ZNF28: variants seen among roughly 807,000 people sequenced by gnomAD.
ZNF28 encodes zinc finger protein 28.
ZNF28 carries 5 observed loss-of-function variants against 7.2 expected under a neutral mutation model. The ratio of observed to expected loss-of-function variants is 0.70; its 90% CI spans 0.36 to 1.46. ZNF28 has a LOEUF of 1.46. Among genes scored for constraint, ZNF28 ranks in the 40% most tolerant of loss-of-function variants. The pLI is 0.03. For synonymous variants in ZNF28, 288 were observed against 292.4 expected (o/e 0.99, Z 0.15); for missense variants, 879 against 866.6 (o/e 1.01, Z -0.18).
intron 1 of ZNF28, among the ~76,000 whole-genome samples, chr19:52,819,373 C>G (rs1417433047): frequency 1.4e-5 from 2 of 141,552 alleles, no homozygotes; most frequent in East Asian, 4.0e-4. Flanking sequence ...TCTGAGTCTA[C>G]CACTCTCTTT....
chr19:52,817,893 G>C, intron 2 of ZNF28, 51 bp downstream of exon 2: 1 of 1,608,596 alleles, frequency 6.2e-7, no homozygotes, highest in Non-Finnish European at 8.5e-7. Flanking sequence ...CCAAGGCCCA[G>C]CGTTTCTGAA....
intron 3 of ZNF28, among the ~76,000 whole-genome samples, chr19:52,807,101 G>A (rs1389649088): frequency 6.6e-6 from 1 of 152,138 alleles, no homozygotes; most frequent in African/African-American, 2.4e-5. Flanking sequence ...GTTTGCACCT[G>A]TAATACATTC....
At position 52,810,826 on chromosome 19, in the gene ZNF28, T is replaced by C. The variant is rs1481024919; in HGVS notation, c.16-2693A>G. 1.4e-4 allele frequency: 36 copies of C among 255,824 alleles called. 1 individual carries two copies. The highest frequency in any genetic ancestry group is 2.5e-4 in the Non-Finnish European group (35 of 140,838). The allele number at this position is 255,824 out of a possible 1,614,324, so 15.8% of individuals were successfully genotyped here. A position where few individuals can be genotyped will look rare whatever the true frequency, so the allele number is the denominator to read the frequency against. ...TTGATGGAAAAAAATATATATATAT[T>C]TTTAAAAAAAGAGTCCCTCTCCCTC... On this transcript the variant is annotated intron_variant, in intron 2 of 3. Transcript: ENST00000457749.
At chr19:52,810,480 C>T (rs1317062216) in intron 2 of ZNF28, 3 of 1,585,186 alleles carry the variant, frequency 1.9e-6, no homozygotes, top group African/African-American at 2.7e-5. Flanking sequence ...ACTTCCTTGG[C>T]CTTGGATGAG....
In ZNF28 at chr19:52,799,500, T is replaced by A; in HGVS notation, c.*188A>T. On this transcript the variant is annotated 3_prime_UTR_variant, in exon 4 of 4. Transcript: ENST00000457749. Reference sequence around the variant, plus strand: ...AAGGGTTGTTTTTTGATTAAAAACCTTGCCACATTCATTACACTTGTAAAG... The same window carrying A: ...AAGGGTTGTTTTTTGATTAAAAACCATGCCACATTCATTACACTTGTAAAG... 9.0e-7 allele frequency: 1 copy of A among 1,112,216 alleles called. No individual in the cohort carries two copies. Among genetic ancestry groups the A allele is most frequent in the Non-Finnish European group, 1.3e-6 (1 of 745,872 alleles). 68.9% of individuals were successfully genotyped at this position (1,112,216 alleles called of 1,614,324 possible). A position where few individuals can be genotyped will look rare whatever the true frequency, so the allele number is the denominator to read the frequency against.
At position 52,801,330 on chromosome 19, in the gene ZNF28, G is replaced by C. The variant is rs554681102; in HGVS notation, c.515C>G (p.Ser172Cys). The change falls in exon 4 of 4, where the codon TCC becomes TGC. Residue 172 changes from serine (S) to cysteine (C), a missense_variant. By Grantham distance (112) the Ser-to-Cys change is moderately radical. This residue lies in a region of ZNF28 where 864 missense variants were observed against 830.2 expected (regional missense o/e 1.04). Transcript: ENST00000457749. ...NQVEKSINNA[S>C]SVSTSQRICC... Reference sequence around the variant, plus strand: ...AATTCTTTGGGATGTTGAAACTGAGGAAGCATTGTTGATAGACTTCTCAAC... The same window carrying C: ...AATTCTTTGGGATGTTGAAACTGAGCAAGCATTGTTGATAGACTTCTCAAC... The C allele has an allele frequency of 6.2e-6, 10 of 1,614,128 alleles. No individual in the cohort carries two copies. Among genetic ancestry groups the C allele is most frequent in the Non-Finnish European group, 8.5e-6 (10 of 1,180,018 alleles).
rs1460019515 is a variant in ZNF28 at position 52,820,409 on chromosome 19, G to T, written c.-74+1177C>A. 4.0e-5 allele frequency among the ~76,000 whole-genome samples: 3 copies of T among 75,028 alleles called. 1 individual carries two copies. Among genetic ancestry groups the T allele is most frequent in the Non-Finnish European group, 7.9e-5 (3 of 38,142 alleles). 49.2% of individuals were successfully genotyped at this position (75,028 alleles called of 152,430 possible). On this transcript the variant is annotated intron_variant, in intron 1 of 3. Transcript: ENST00000457749. Reference sequence around the variant, plus strand: ...TGGGATTACAGGCGTGAGCCACCGCGCCCGGCCCTTATTTAACCTCTTGTT... The same window carrying T: ...TGGGATTACAGGCGTGAGCCACCGCTCCCGGCCCTTATTTAACCTCTTGTT...
chr19:52,806,845 T>C (rs2147635151), intron 3 of ZNF28, among the ~76,000 whole-genome samples: 1 of 152,192 alleles, frequency 6.6e-6, no homozygotes. Context: ...GAGGCTGCAG[T>C]TAGCCAAGAT....
At chr19:52,810,904 T>C (rs1200473158) in intron 2 of ZNF28, among the ~76,000 whole-genome samples, 985 of 6,072 alleles carry the variant, frequency 0.16, 56 homozygotes, top group Middle Eastern at 0.3. Context: ...TCCCCCTCCC[T>C]CTCCCTCTCC....
intron 3 of ZNF28, among the ~76,000 whole-genome samples, chr19:52,803,263 G>A (rs1174497378): frequency 6.6e-6 from 1 of 151,682 alleles, no homozygotes; most frequent in African/African-American, 2.4e-5. Context: ...TTTTAGTAGA[G>A]ATGGGGTTTG....
intron 3 of ZNF28, 105 bp downstream of exon 3, chr19:52,807,902 A>AG (rs2062956255): frequency 6.4e-7 from 1 of 1,551,860 alleles, no homozygotes; most frequent in East Asian, 2.2e-5. Context: ...TCATTTCAAA[A>AG]TCAATACGGC....
intron 3 of ZNF28, among the ~76,000 whole-genome samples, chr19:52,802,631 C>T (rs182502661): frequency 2.1e-3 from 319 of 150,898 alleles, no homozygotes; most frequent in African/African-American, 7.4e-3. Flanking sequence ...GAGTTGAGAT[C>T]GCACCACTGC....
In ZNF28 at chr19:52,799,010, T is replaced by G; in HGVS notation, c.*678A>C. 1.2e-6 allele frequency: 1 copy of G among 809,698 alleles called. No homozygotes were observed. Among genetic ancestry groups the G allele is most frequent in the Non-Finnish European group, 1.9e-6 (1 of 531,434 alleles). The allele number at this position is 809,698 out of a possible 1,614,324, so 50.2% of individuals were successfully genotyped here. ...ACTCCCAAAAGCCTTGTTACAAACC[T>G]TACATTTGTATGTTTTTTCTCCAGT... is the stretch of plus-strand genomic sequence containing the variant. On this transcript the variant is annotated 3_prime_UTR_variant, in exon 4 of 4. Coordinates refer to ENST00000457749, the MANE Select transcript of ZNF28 (RefSeq NM_006969.5).
chr19:52,820,836 TGCC>T, intron 1 of ZNF28, among the ~76,000 whole-genome samples: 1 of 152,260 alleles, frequency 6.6e-6, no homozygotes, highest in East Asian at 1.9e-4. Context: ...TCCTCTACTT[TGCC>T]ATCTGTTATG....
At chr19:52,806,027 T>C (rs2062932863) in intron 3 of ZNF28, 1 of 152,024 alleles carries the variant, frequency 6.6e-6, no homozygotes, top group Non-Finnish European at 1.5e-5. Context: ...ATACAGAAAC[T>C]GGCATATGTA....
At chr19:52,807,763 C>A in intron 3 of ZNF28, 2 of 673,144 alleles carry the variant, frequency 3.0e-6, no homozygotes, top group East Asian at 3.3e-5. Context: ...GCGTGAGCCA[C>A]CACGACCAGG....
At chr19:52,811,478 G>A (rs1379311066) in intron 2 of ZNF28, among the ~76,000 whole-genome samples, 1 of 149,084 alleles carries the variant, frequency 6.7e-6, no homozygotes, top group Admixed American at 6.6e-5. Flanking sequence ...ATCCCATCTA[G>A]GAAGTGAGGA....
chr19:52,801,483 C>T lies in ZNF28; in HGVS notation c.362G>A (p.Gly121Asp). 1.2e-6 allele frequency: 2 copies of T among 1,614,132 alleles called. No individual in the cohort carries two copies. The highest frequency in any genetic ancestry group is 1.3e-5 in the African/African-American group (1 of 75,052). ...APMTEIKELT[G>D]STGQHDQRHA... ...CCTTTGATCATGTTGGCCTGTACTA[C>T]CAGTCAACTCTTTGATTTCTGTCAT... Residue 121 changes from glycine (G) to aspartate (D), a missense_variant, in exon 4 of 4, where the codon GGT (glycine) becomes GAT (aspartate). Physicochemically the swap from Gly to Asp is moderately conservative, Grantham distance 94 (BLOSUM62 -1). Coordinates refer to ENST00000457749, the MANE Select transcript of ZNF28 (RefSeq NM_006969.5).
At position 52,798,616 on chromosome 19, in the gene ZNF28, T is replaced by C. The variant is rs2062824813; in HGVS notation, c.*1072A>G. ...TCATCACACTTGTGAGTTTCTCTCC[T>C]GTATGAATCCTCCTATGTTTTGCAT... On this transcript the variant is annotated 3_prime_UTR_variant, in exon 4 of 4. Transcript: ENST00000457749. The C allele has an allele frequency of 2.3e-6, 1 of 429,862 alleles. No individual in the cohort carries two copies. Among genetic ancestry groups the C allele is most frequent in the East Asian group, 6.2e-5 (1 of 16,108 alleles). The allele number at this position is 429,862 out of a possible 1,614,324, so 26.6% of individuals were successfully genotyped here. A position where few individuals can be genotyped will look rare whatever the true frequency, so the allele number is the denominator to read the frequency against.
Sources: gnomAD v4.1 joint callset for allele counts (sites outside exome capture counted in the v4.1 genomes callset) on GRCh38, gnomAD v4.1.1 for gene constraint, gnomAD v4.1.1 regional missense constraint, MANE v1.5 for transcripts, NCBI Gene and HGNC (gene_info 2026-07-23, HGNC 2026-07-21) for gene names.